Variants in SAMD9 observed in about 807,000 individuals in gnomAD.
The protein encoded by SAMD9 is sterile alpha motif domain containing 9.
SAMD9 carries 3 observed loss-of-function variants against 1.5 expected under a neutral mutation model. The ratio of observed to expected loss-of-function variants is 2.05; its 90% CI spans 0.93 to 5.29. SAMD9 has a LOEUF of 5.29. Ranked by LOEUF, SAMD9 falls within the 30% of genes most tolerant of loss-of-function variation. The pLI is 0.02. For missense variants in SAMD9, 1,597 were observed against 1,820.8 expected, an observed-to-expected ratio of 0.88 and a Z score of 2.24; for synonymous variants, 635 against 631.9, an observed-to-expected ratio of 1.00 and a Z score of -0.07.
chr7:93,109,434 A>G (rs1791701761), intron 2 of SAMD9, among the ~76,000 whole-genome samples: 1 of 152,218 alleles, frequency 6.6e-6, no homozygotes, highest in Non-Finnish European at 1.5e-5. Context: ...CAGCAACGGA[A>G]CAAAGCTGGA....
At chr7:93,117,052 C>T (rs1791842906) in intron 1 of SAMD9, among the ~76,000 whole-genome samples, 1 of 152,184 alleles carries the variant, frequency 6.6e-6, no homozygotes, top group Admixed American at 6.5e-5. Context: ...GAACATAAAG[C>T]TGCCTTAATT....
In SAMD9 at chr7:93,105,833, C is replaced by T; in HGVS notation, c.265G>A (p.Gly89Arg). ...IEDSIQTSKMGKPSKNAPKDQ... is the reference protein window; with the variant it reads ...IEDSIQTSKMRKPSKNAPKDQ... ...TTAGGAGCATTTTTACTGGGCTTTC[C>T]CATCTTAGATGTCTGAATCGAATCT... Residue 89 changes from glycine (G) to arginine (R), a missense_variant, in exon 3 of 3, where the codon GGA becomes AGA. This residue lies in a region of SAMD9 where 498 missense variants were observed against 457.4 expected (regional missense o/e 1.09). Coordinates refer to ENST00000379958, the MANE Select transcript of SAMD9 (RefSeq NM_017654.4). 6.2e-7 allele frequency: 1 copy of T among 1,614,092 alleles called. No individual in the cohort carries two copies. The highest frequency in any genetic ancestry group is 1.1e-5 in the South Asian group (1 of 91,084).
In SAMD9 at chr7:93,117,845, A is replaced by G. The variant is rs924324449; in HGVS notation, c.-110+18T>C. The G allele has an allele frequency of 2.6e-5, 4 of 152,236 alleles. No homozygotes were observed. Among genetic ancestry groups the G allele is most frequent in the African/African-American group, 9.6e-5 (4 of 41,470 alleles). 9.4% of individuals were successfully genotyped at this position (152,236 alleles called of 1,614,324 possible). A position where few individuals can be genotyped will look rare whatever the true frequency, so the allele number is the denominator to read the frequency against. ...TATAGATAGTAAGAACAATATTAATAATAGATATTGTACTTACCCAGTAGT... is the reference window on the plus strand; with the variant it reads ...TATAGATAGTAAGAACAATATTAATGATAGATATTGTACTTACCCAGTAGT... On this transcript the variant is annotated intron_variant, in intron 1 of 2. Coordinates refer to ENST00000379958, the MANE Select transcript of SAMD9 (RefSeq NM_017654.4).
In SAMD9 at chr7:93,101,756, G is replaced by C; in HGVS notation, c.4342C>G (p.Gln1448Glu). 1 of 1,613,734 alleles carries C rather than the reference G, an allele frequency of 6.2e-7. No homozygotes were observed. The highest frequency in any genetic ancestry group is 1.1e-5 in the South Asian group (1 of 91,070). The part of the protein sequence containing the change: ...LFWPENQQLD[Q>E]HSEQMKEYAQ... Reference sequence around the variant, plus strand: ...TACTCTTTCATTTGTTCAGAATGTTGATCTAGTTGTTGATTTTCTGGCCAG... The same window carrying C: ...TACTCTTTCATTTGTTCAGAATGTTCATCTAGTTGTTGATTTTCTGGCCAG... The change falls in exon 3 of 3, where the codon CAA becomes GAA. Residue 1448 changes from glutamine (Q) to glutamate (E), a missense_variant. Physicochemically the swap from Gln to Glu is conservative, Grantham distance 29 (BLOSUM62 2). Transcript: ENST00000379958.
rs1323146606 is a variant in SAMD9 at position 93,101,664 on chromosome 7, A to G, written c.4434T>C (p.Ile1478=). 2 of 1,613,802 alleles carry G rather than the reference A, an allele frequency of 1.2e-6. No individual in the cohort carries two copies. Among genetic ancestry groups the G allele is most frequent in the Admixed American group, 1.7e-5 (1 of 60,008 alleles). The change falls in exon 3 of 3, where the codon ATT becomes ATC. Residue 1478 remains isoleucine (I), a synonymous_variant. Transcript: ENST00000379958. The part of the protein sequence containing the change: ...YKHMHRTKQP[I]AYFFLGKGKR... The stretch of plus-strand genomic sequence containing the variant: ...TACCTTTTCCAAGAAAGAAATATGC[A>G]ATTGGTTGCTTTGTACGATGCATAT...
intron 2 of SAMD9, among the ~76,000 whole-genome samples, chr7:93,112,151 A>G (rs1181213967): frequency 6.6e-6 from 1 of 152,262 alleles, no homozygotes; most frequent in African/African-American, 2.4e-5. Flanking sequence ...CTGGTTCAAC[A>G]TACACAAATC....
rs1365970571 is a variant in SAMD9 at position 93,101,798 on chromosome 7, GA to G, written c.4299del (p.Leu1434Ter). The G allele has an allele frequency of 1.2e-6, 2 of 1,613,820 alleles. No homozygotes were observed. The highest frequency in any genetic ancestry group is 1.7e-6 in the Non-Finnish European group (2 of 1,179,770). On this transcript the variant is annotated frameshift_variant, in exon 3 of 3. Coordinates refer to ENST00000379958, the MANE Select transcript of SAMD9 (RefSeq NM_017654.4). LOFTEE classifies it low-confidence loss of function (END_TRUNC). ...TCTGGCCAGAATAAGAGGGAAGCTA[GA>G]AAATACGGTTCTGAAAACTGATAAG... The part of the protein sequence containing the change: ...GLTYQFSEPY[F>X]LASLLFWPEN...
chr7:93,108,083 G>A (rs1313287263), intron 2 of SAMD9, among the ~76,000 whole-genome samples: 1 of 152,220 alleles, frequency 6.6e-6, no homozygotes, highest in Non-Finnish European at 1.5e-5. Context: ...AATACTTGGA[G>A]AAATATGTAT....
At chr7:93,109,650 CG>C (rs1562777929) in intron 2 of SAMD9, among the ~76,000 whole-genome samples, 2 of 152,116 alleles carry the variant, frequency 1.3e-5, no homozygotes, top group African/African-American at 4.8e-5. Context: ...ACAAGAACTA[CG>C]TGACGCATGC....
In SAMD9 at chr7:93,104,930, C is replaced by T; in HGVS notation, c.1168G>A (p.Glu390Lys). 1 of 1,611,440 alleles carries T rather than the reference C, an allele frequency of 6.2e-7. No individual in the cohort carries two copies. Among genetic ancestry groups the T allele is most frequent in the East Asian group, 2.2e-5 (1 of 44,860 alleles). The change falls in exon 3 of 3, where the codon GAG becomes AAG. Residue 390 changes from glutamate to lysine, a missense_variant. Around this residue, in one of 6 missense-constraint regions of SAMD9, gnomAD observed 498 missense variants for 457.4 expected, o/e 1.09. Coordinates refer to ENST00000379958, the MANE Select transcript of SAMD9 (RefSeq NM_017654.4). ...FRAKTNKKER[E>K]GPKLVKLLTG... Reference sequence around the variant, plus strand: ...AATAATTTAACCAACTTTGGTCCCTCTCTTTCTTTTTTATTTGTTTTTGCT... The same window carrying T: ...AATAATTTAACCAACTTTGGTCCCTTTCTTTCTTTTTTATTTGTTTTTGCT...
intron 2 of SAMD9, among the ~76,000 whole-genome samples, chr7:93,114,462 A>G (rs1026446081): frequency 9.9e-5 from 15 of 152,238 alleles, no homozygotes; most frequent in Non-Finnish European, 2.1e-4. Flanking sequence ...TTAAAAAAGG[A>G]GGAATGACTG....
At position 93,102,391 on chromosome 7, in the gene SAMD9, C is replaced by G. The variant is rs781751533; in HGVS notation, c.3707G>C (p.Ser1236Thr). 1 of 1,609,570 alleles carries G rather than the reference C, an allele frequency of 6.2e-7. No individual in the cohort carries two copies. The highest frequency in any genetic ancestry group is 1.3e-5 in the African/African-American group (1 of 74,758). ...ATTGTTTGGATCCCCTGGAATATCACTACTTCCTGATACAAAATTGACCAT... is the reference window on the plus strand; with the variant it reads ...ATTGTTTGGATCCCCTGGAATATCAGTACTTCCTGATACAAAATTGACCAT... ...RYMVNFVSGS[S>T]DIPGDPNNEY... Residue 1236 changes from serine (S) to threonine (T), a missense_variant, in exon 3 of 3, where the codon AGT becomes ACT. Ser to Thr is a moderately conservative substitution (Grantham distance 58, BLOSUM62 1). Around this residue, in one of 6 missense-constraint regions of SAMD9, gnomAD observed 682 missense variants for 810.0 expected, o/e 0.84. Coordinates refer to ENST00000379958, the MANE Select transcript of SAMD9 (RefSeq NM_017654.4).
At chr7:93,107,421 A>G (rs1338702831) in intron 2 of SAMD9, among the ~76,000 whole-genome samples, 4 of 152,222 alleles carry the variant, frequency 2.6e-5, no homozygotes, top group Non-Finnish European at 5.9e-5. Flanking sequence ...AAATTTGCAG[A>G]CTACTATCTG....
chr7:93,107,594 G>A (rs567559188), intron 2 of SAMD9, among the ~76,000 whole-genome samples: 41 of 152,264 alleles, frequency 2.7e-4, no homozygotes, highest in East Asian at 1.9e-3. Flanking sequence ...AATGGAGACA[G>A]CCTGGGGAAT....
rs746976269 is a variant in SAMD9, at chr7:93,104,096, C to T, written c.2002G>A (p.Asp668Asn). Residue 668 changes from aspartate (D) to asparagine (N), a missense_variant, in exon 3 of 3, where the codon GAC (aspartate) becomes AAC (asparagine). Physicochemically the swap from Asp to Asn is conservative, Grantham distance 23. Around this residue, in one of 6 missense-constraint regions of SAMD9, gnomAD observed 358 missense variants for 460.4 expected, o/e 0.78. Coordinates refer to ENST00000379958, the MANE Select transcript of SAMD9 (RefSeq NM_017654.4). ...NECEGTLLEK[D>N]KNKFLEFKAS... ...TTGAATTCAAGGAATTTATTTTTGT[C>T]CTTCTCTAACAGTGTACCCTCACAT... The T allele has an allele frequency of 3.4e-5, 55 of 1,613,764 alleles. No individual in the cohort carries two copies. Among genetic ancestry groups the T allele is most frequent in the South Asian group, 1.5e-4 (14 of 91,078 alleles).
rs140634569 is a variant in SAMD9 at position 93,101,427 on chromosome 7, A to G, written c.4671T>C (p.Phe1557=). Residue 1557 remains phenylalanine, a synonymous_variant, in exon 3 of 3, where the codon TTT becomes TTC. Transcript: ENST00000379958. Reference sequence around the variant, plus strand: ...TTCTGCCACTTCTAAGTTGACCTAAAAAAGCGGGAGTGATGGGTATTGTGA... The same window carrying G: ...TTCTGCCACTTCTAAGTTGACCTAAGAAAGCGGGAGTGATGGGTATTGTGA... The part of the protein sequence containing the change: ...EKITIPITPA[F]LGQLRSGRSI... 9.5e-5 allele frequency: 153 copies of G among 1,613,836 alleles called. No homozygotes were observed. The African/African-American group carries it at 1.8e-3, about 19-fold the overall frequency.
chr7:93,103,014 C>A lies in SAMD9; in HGVS notation c.3084G>T (p.Leu1028Phe). Residue 1028 changes from leucine (L) to phenylalanine (F), a missense_variant, in exon 3 of 3, where the codon TTG (leucine) becomes TTT (phenylalanine). Coordinates refer to ENST00000379958, the MANE Select transcript of SAMD9 (RefSeq NM_017654.4). ...TGAGTAGGAGTGTGTGCATATCTTG[C>A]AAAAATTTACTTTTTCCCATACCAG... ...FDTGMGKSKF[L>F]QDMHTLLLTR... The A allele has an allele frequency of 6.2e-7, 1 of 1,613,764 alleles. No homozygotes were observed. The highest frequency in any genetic ancestry group is 8.5e-7 in the Non-Finnish European group (1 of 1,179,770).
intron 1 of SAMD9, among the ~76,000 whole-genome samples, chr7:93,115,348 C>T (rs745737836): frequency 1.3e-5 from 2 of 152,198 alleles, no homozygotes; most frequent in African/African-American, 2.4e-5. Context: ...TATACCTACT[C>T]TTTGGATCTG....
Position 93,106,105 on chromosome 7 carries a change from C to A in SAMD9, c.-8G>T, listed in dbSNP as rs747964387. On this transcript the variant is annotated splice_region_variant and 5_prime_UTR_variant, in exon 3 of 3. Transcript: ENST00000379958. ...GTTAAGTTGCTTTGCCATTCTGATA[C>A]CTATATGTAGAAAAAGAAAAATTAT... 2.6e-6 allele frequency: 4 copies of A among 1,557,628 alleles called. No homozygotes were observed. Among genetic ancestry groups the A allele is most frequent in the Non-Finnish European group, 3.5e-6 (4 of 1,156,268 alleles).
Sources: allele counts gnomAD v4.1 joint callset (sites outside exome capture counted in the v4.1 genomes callset), GRCh38; gene constraint gnomAD v4.1.1; regional missense constraint gnomAD v4.1.1; transcripts MANE v1.5; gene names NCBI Gene and HGNC (gene_info 2026-07-23, HGNC 2026-07-21).